RBMS3: variants seen among roughly 807,000 people sequenced by gnomAD.
RBMS3 encodes the protein RNA-binding motif, single-stranded-interacting protein 3.
A neutral mutation model predicts 66.8 loss-of-function variants in RBMS3; 27 were observed. The observed-to-expected ratio is 0.40, with a 90% CI of 0.30 to 0.56. RBMS3 has a LOEUF of 0.56. RBMS3 is among the 20% of genes least tolerant of loss of function. The probability of loss-of-function intolerance (pLI) is 0.40; values close to 1 mark genes in which losing one functional copy is unlikely to be tolerated. For synonymous variants in RBMS3, 188 were observed against 183.0 expected (o/e 1.03, Z -0.22); for missense variants, 513 against 549.5 (o/e 0.93, Z 0.66).
chr3:29,303,435 A>C (rs1330751737), intron 1 of RBMS3, among the ~76,000 whole-genome samples: 1 of 152,000 alleles, frequency 6.6e-6, no homozygotes, highest in Non-Finnish European at 1.5e-5. Context: ...AATCCATTCA[A>C]CCTTAACCTC....
At chr3:29,885,999 A>G (rs759996865) in intron 8 of RBMS3, among the ~76,000 whole-genome samples, 11 of 151,936 alleles carry the variant, frequency 7.2e-5, no homozygotes, top group Non-Finnish European at 1.3e-4. Flanking sequence ...GTAGTCAATT[A>G]TTAAAATTGT....
At position 29,304,696 on chromosome 3, in the gene RBMS3, G is replaced by A. The variant is rs1008433878; in HGVS notation, c.75+22940G>A. Among the ~76,000 whole-genome samples, 9 of 152,068 alleles carry A rather than the reference G, an allele frequency of 5.9e-5. No individual in the cohort carries two copies. The South Asian group carries it at 8.3e-4, about 14-fold the overall frequency. On this transcript the variant is annotated intron_variant, in intron 1 of 14. Coordinates refer to ENST00000383767, the MANE Select transcript of RBMS3 (RefSeq NM_001003793.3). ...GCCCTTGAGTTTTCATAGAATTGTA[G>A]TTCTCTCCTAGTCCTTACTCATTAA...
intron 1 of RBMS3, among the ~76,000 whole-genome samples, chr3:29,291,287 A>G (rs1324752684): frequency 6.6e-6 from 1 of 151,914 alleles, no homozygotes; most frequent in African/African-American, 2.4e-5. Flanking sequence ...ATCTTTCACT[A>G]TTGTGGCCTT....
chr3:29,361,514 C>T (rs1009619087), intron 1 of RBMS3, among the ~76,000 whole-genome samples: 1 of 152,156 alleles, frequency 6.6e-6, no homozygotes, highest in African/African-American at 2.4e-5. Context: ...GCGAATCTGA[C>T]AATTATGTGT....
chr3:29,739,059 A>G (rs2054505019), intron 4 of RBMS3, among the ~76,000 whole-genome samples: 1 of 152,234 alleles, frequency 6.6e-6, no homozygotes, highest in Non-Finnish European at 1.5e-5. Context: ...ATGCAATATC[A>G]GTAACTAATT....
At chr3:29,957,663 A>G (rs553126068) in intron 12 of RBMS3, among the ~76,000 whole-genome samples, 1 of 152,288 alleles carries the variant, frequency 6.6e-6, no homozygotes, top group East Asian at 1.9e-4. Context: ...CCCTTCAGCA[A>G]TGTTGCTTAT....
chr3:29,822,397 G>A (rs2058097142), intron 6 of RBMS3, among the ~76,000 whole-genome samples: 1 of 151,970 alleles, frequency 6.6e-6, no homozygotes, highest in South Asian at 2.1e-4. Context: ...AATTGCTTCT[G>A]GGAAAAACAA....
At position 29,524,890 on chromosome 3, in the gene RBMS3, A is replaced by G. The variant is rs116501018; in HGVS notation, c.307+36391A>G. 5.5e-3 allele frequency among the ~76,000 whole-genome samples: 832 copies of G among 152,184 alleles called. 13 individuals are homozygous for G. The highest frequency in any genetic ancestry group is 0.019 in the African/African-American group (800 of 41,536). On this transcript the variant is annotated intron_variant, in intron 3 of 14. Transcript: ENST00000383767. Reference sequence around the variant, plus strand: ...GAACATAGTGAGACATTGTCTCTAAAAAAAATTTTTTTTAATTAGCTGGCA... The same window carrying G: ...GAACATAGTGAGACATTGTCTCTAAGAAAAATTTTTTTTAATTAGCTGGCA...
chr3:29,421,341 A>G (rs562696581), intron 1 of RBMS3, among the ~76,000 whole-genome samples: 1 of 152,070 alleles, frequency 6.6e-6, no homozygotes, highest in Non-Finnish European at 1.5e-5. Flanking sequence ...GAAATTCGGG[A>G]GATAATTAAA....
intron 3 of RBMS3, among the ~76,000 whole-genome samples, chr3:29,571,427 A>C (rs538764055): frequency 1.6e-4 from 24 of 152,212 alleles, no homozygotes; most frequent in African/African-American, 5.5e-4. Flanking sequence ...TAAGTCTTTA[A>C]TCCATTTTGA....
intron 5 of RBMS3, among the ~76,000 whole-genome samples, chr3:29,741,595 C>T (rs1381409222): frequency 6.6e-6 from 1 of 152,174 alleles, no homozygotes; most frequent in East Asian, 1.9e-4. Context: ...ATTTCAAATT[C>T]ATTAAGAGCA....
chr3:29,705,870 C>T (rs527798962), intron 4 of RBMS3, among the ~76,000 whole-genome samples: 8 of 152,296 alleles, frequency 5.3e-5, no homozygotes, highest in Admixed American at 2.0e-4. Flanking sequence ...TCACTATTCA[C>T]GTAACAAACT....
intron 4 of RBMS3, among the ~76,000 whole-genome samples, chr3:29,734,825 C>T (rs1016255533): frequency 3.3e-5 from 5 of 152,020 alleles, no homozygotes; most frequent in African/African-American, 1.2e-4. Context: ...GTTGGACTTG[C>T]ATTTTGCATA....
intron 1 of RBMS3, among the ~76,000 whole-genome samples, chr3:29,428,503 T>G (rs1218073555): frequency 6.6e-6 from 1 of 151,798 alleles, no homozygotes; most frequent in East Asian, 1.9e-4. Context: ...TATAAAAAAA[T>G]TGTTAAATAA....
chr3:29,758,348 A>G (rs2055517378), intron 5 of RBMS3, among the ~76,000 whole-genome samples: 1 of 152,166 alleles, frequency 6.6e-6, no homozygotes. Context: ...TCCACTAACT[A>G]GTTTTTAGGG....
At chr3:29,392,143 G>T (rs12631778) in intron 1 of RBMS3, among the ~76,000 whole-genome samples, 26,856 of 151,996 alleles carry the variant, frequency 0.18, 3,034 homozygotes, top group East Asian at 0.56. Flanking sequence ...CCAGCTACTC[G>T]GGAGGCTGAG....
chr3:29,862,608 G>GGT (rs1559747702), intron 6 of RBMS3, among the ~76,000 whole-genome samples: 1 of 151,934 alleles, frequency 6.6e-6, no homozygotes, highest in African/African-American at 2.4e-5. Flanking sequence ...CAGATGGAGG[G>GGT]GTGTGTGTGT....
At chr3:29,909,204 C>A (rs202079198) in intron 10 of RBMS3, among the ~76,000 whole-genome samples, 1 of 152,024 alleles carries the variant, frequency 6.6e-6, no homozygotes, top group Non-Finnish European at 1.5e-5. Context: ...ACAACTTTCA[C>A]GCAGTCAAAT....
intron 6 of RBMS3, among the ~76,000 whole-genome samples, chr3:29,858,357 C>T (rs1183987534): frequency 6.6e-6 from 1 of 152,104 alleles, no homozygotes; most frequent in Admixed American, 6.5e-5. Flanking sequence ...AGAGCTGTCT[C>T]AGAGGAAAGT....
Sources: gnomAD v4.1 joint callset for allele counts (sites outside exome capture counted in the v4.1 genomes callset) on GRCh38, gnomAD v4.1.1 for gene constraint, MANE v1.5 for transcripts, NCBI Gene and HGNC (gene_info 2026-07-23, HGNC 2026-07-21) for gene names.